The following PCDHGA3 variants were observed in gnomAD, a reference collection of about 807,000 sequenced individuals.
The protein encoded by PCDHGA3 is protocadherin gamma-A3.
Under a neutral mutation model 58.5 loss-of-function variants are expected in PCDHGA3, and 40 were observed. The ratio of observed to expected loss-of-function variants is 0.68; its 90% confidence interval spans 0.53 to 0.89. The LOEUF (loss-of-function observed/expected upper bound fraction) is 0.89. Ranked by LOEUF, PCDHGA3 falls within the 40% of genes least tolerant of loss-of-function variation. The probability of loss-of-function intolerance (pLI) is 0.00; values close to 1 mark genes in which losing one functional copy is unlikely to be tolerated. For missense variants in PCDHGA3, 1,223 were observed against 1,195.9 expected (o/e 1.02, Z -0.33); for synonymous variants, 530 against 525.7 (o/e 1.01, Z -0.11).
rs34152666 is a variant in PCDHGA3 at position 141,428,860 on chromosome 5, C to CT, written c.2425-65934dup. 6.7e-4 allele frequency: 98 copies of CT among 145,544 alleles called. 1 individual carries two copies. The highest frequency in any genetic ancestry group is 1.4e-3 in the East Asian group (7 of 4,990). 9.0% of individuals were successfully genotyped at this position (145,544 alleles called of 1,614,324 possible). On this transcript the variant is annotated intron_variant, in intron 1 of 3. Transcript: ENST00000253812. ...ACATTTTCACCATTTTTACGGGAGA[C>CT]TTTTTTTTTTTTTGGACGGAGTCTC...
chr5:141,403,956 T>A (rs375951516), intron 1 of PCDHGA3: 6 of 1,613,884 alleles, frequency 3.7e-6, no homozygotes, highest in Non-Finnish European at 5.1e-6. Flanking sequence ...AAAGTGCTCA[T>A]TTCGGTGGAA....
intron 1 of PCDHGA3, among the ~76,000 whole-genome samples, chr5:141,468,797 C>T (rs191599825): frequency 0.01 from 1,525 of 151,876 alleles, 28 homozygotes; most frequent in African/African-American, 0.035. Flanking sequence ...ACCCGGGAGG[C>T]GGAACTTGCA....
At position 141,505,378 on chromosome 5, in the gene PCDHGA3, C is replaced by T. The variant is rs376550639; in HGVS notation, c.2484-15C>T. 2 of 1,614,034 alleles carry T rather than the reference C, an allele frequency of 1.2e-6. No homozygotes were observed. The highest frequency in any genetic ancestry group is 2.2e-5 in the East Asian group (1 of 44,872). On this transcript the variant is annotated splice_polypyrimidine_tract_variant and intron_variant, in intron 2 of 3. Transcript: ENST00000253812. ...GGCCTGGGAGTCTGTGCTCACCATC[C>T]TACTCTCTCCCCAGCTCCCAAAATG...
At chr5:141,392,063 A>G (rs2092459837) in intron 1 of PCDHGA3, 1 of 152,218 alleles carries the variant, frequency 6.6e-6, no homozygotes, top group African/African-American at 2.4e-5. Context: ...TATTATCGAC[A>G]TGTAATTCAA....
chr5:141,375,016 C>T (rs939863882), intron 1 of PCDHGA3: 3 of 1,613,992 alleles, frequency 1.9e-6, no homozygotes, highest in Non-Finnish European at 1.7e-6. Flanking sequence ...ACTATGAGGA[C>T]TCGAGTTTTT....
chr5:141,382,072 G>A (rs901840757), intron 1 of PCDHGA3, among the ~76,000 whole-genome samples: 2 of 151,786 alleles, frequency 1.3e-5, no homozygotes, highest in African/African-American at 4.8e-5. Context: ...CAGGTGATCC[G>A]CCCGCCTCGG....
intron 1 of PCDHGA3, chr5:141,479,722 T>C (rs2099504690): frequency 6.6e-6 from 1 of 152,240 alleles, no homozygotes; most frequent in African/African-American, 2.4e-5. Context: ...CCAGCCTTAT[T>C]TTTCTTAAGT....
At chr5:141,399,821 C>T in intron 1 of PCDHGA3, 1 of 1,613,210 alleles carries the variant, frequency 6.2e-7, no homozygotes, top group Non-Finnish European at 8.5e-7. Flanking sequence ...GCGCTGGGTC[C>T]CGACGGCTCT....
At chr5:141,369,112 G>C (rs527912435) in intron 1 of PCDHGA3, among the ~76,000 whole-genome samples, 4 of 152,288 alleles carry the variant, frequency 2.6e-5, no homozygotes, top group Non-Finnish European at 5.9e-5. Flanking sequence ...AATTAAAACT[G>C]TAAGACACCT....
rs1229623400 is a variant in PCDHGA3, at chr5:141,505,984, T to A, written c.2572+503T>A. 4.6e-5 allele frequency among the ~76,000 whole-genome samples: 7 copies of A among 152,198 alleles called. No homozygotes were observed. In the East Asian group the frequency reaches 1.4e-3, roughly 30 times the overall value. On this transcript the variant is annotated intron_variant, in intron 3 of 3. Coordinates refer to ENST00000253812, the MANE Select transcript of PCDHGA3 (RefSeq NM_018916.4). ...AGAAATCCCCAGCCGAGAGAACACC[T>A]CCTCTTTATGCGAGGCTCCTCTTTT...
chr5:141,483,711 A>G (rs1258383632), intron 1 of PCDHGA3, among the ~76,000 whole-genome samples: 2 of 152,122 alleles, frequency 1.3e-5, no homozygotes, highest in African/African-American at 2.4e-5. Context: ...TGACACCAGA[A>G]TATTGGTTCC....
intron 1 of PCDHGA3, chr5:141,409,189 C>T (rs1216028242): frequency 6.2e-7 from 1 of 1,613,918 alleles, no homozygotes; most frequent in Admixed American, 1.7e-5. Flanking sequence ...GTCTCTCTAC[C>T]CAGTGTAAAG....
At chr5:141,418,520 C>T (rs766042374) in intron 1 of PCDHGA3, 3 of 1,613,936 alleles carry the variant, frequency 1.9e-6, no homozygotes, top group Non-Finnish European at 2.5e-6. Flanking sequence ...TGGGGACCCT[C>T]CCCGAAGCGG....
chr5:141,493,694 G>A lies in PCDHGA3; in HGVS notation c.2425-1113G>A, dbSNP rs929897875. On this transcript the variant is annotated intron_variant, in intron 1 of 3. Transcript: ENST00000253812. This position sits in a 1 kb window ranked among gnomAD's most constrained non-coding sequence, Gnocchi z 4.3. ...CCCCAGAATGGTGCTGGTGACTCCC[G>A]ATACACCTGGAATGCTAGGTTTCTG... Among the ~76,000 whole-genome samples the A allele has an allele frequency of 5.9e-5, 9 of 152,130 alleles. No individual in the cohort carries two copies. Among genetic ancestry groups the A allele is most frequent in the African/African-American group, 9.7e-5 (4 of 41,404 alleles).
Position 141,344,458 on chromosome 5 carries a change from T to C in PCDHGA3, c.425T>C (p.Ile142Thr), listed in dbSNP as rs1434039304. 3.1e-6 allele frequency: 5 copies of C among 1,613,864 alleles called. No individual in the cohort carries two copies. The highest frequency in any genetic ancestry group is 3.4e-6 in the Non-Finnish European group (4 of 1,179,824). The change falls in exon 1 of 4, where the codon ATT becomes ACT. Residue 142 changes from isoleucine (I) to threonine (T), a missense_variant. Physicochemically the swap from Ile to Thr is moderately conservative, Grantham distance 89. Coordinates refer to ENST00000253812, the MANE Select transcript of PCDHGA3 (RefSeq NM_018916.4). ...CCAACAGAGGAATTGGAAATAAAAATTGGTGAACTAACGGTTCCTGGAACC... is the reference window on the plus strand; with the variant it reads ...CCAACAGAGGAATTGGAAATAAAAACTGGTGAACTAACGGTTCCTGGAACC... ...NFPTEELEIK[I>T]GELTVPGTRF... is the part of the protein sequence containing the mutation.
rs2097422953 is a variant in PCDHGA3 at position 141,431,840 on chromosome 5, C to A, written c.2425-62967C>A. The A allele has an allele frequency of 1.9e-6, 3 of 1,614,248 alleles. No homozygotes were observed. The highest frequency in any genetic ancestry group is 1.6e-4 in the Middle Eastern group (1 of 6,062). ...CGCCAGCTCGGTTCCCGAAAACTCT[C>A]CCAGAGGGACATTAATTGCCCTTTT... On this transcript the variant is annotated intron_variant, in intron 1 of 3. Transcript: ENST00000253812. The surrounding 1 kb of genome is among the most constrained non-coding windows in gnomAD (Gnocchi z 4.8).
At chr5:141,382,364 T>C (rs919179170) in intron 1 of PCDHGA3, among the ~76,000 whole-genome samples, 3 of 152,264 alleles carry the variant, frequency 2.0e-5, no homozygotes, top group African/African-American at 7.2e-5. Flanking sequence ...AAATAAAATT[T>C]ACCTTTTTGC....
intron 1 of PCDHGA3, among the ~76,000 whole-genome samples, chr5:141,380,521 A>G (rs1183307813): frequency 1.3e-5 from 2 of 152,218 alleles, no homozygotes; most frequent in South Asian, 4.1e-4. Flanking sequence ...TAAACTATGA[A>G]ATGATTTCAA....
intron 1 of PCDHGA3, chr5:141,350,513 G>C (rs750772635): frequency 1.9e-6 from 3 of 1,613,874 alleles, no homozygotes; most frequent in South Asian, 2.2e-5. Context: ...GTTAGTGAAC[G>C]GTAGGATAGA....
Sources: allele counts gnomAD v4.1 joint callset (sites outside exome capture counted in the v4.1 genomes callset), GRCh38; gene constraint gnomAD v4.1.1; non-coding constraint Gnocchi (gnomAD v3.1); transcripts MANE v1.5; gene names NCBI Gene and HGNC (gene_info 2026-07-23, HGNC 2026-07-21).